Variants in CACNG2 observed in about 807,000 individuals in gnomAD.
The protein encoded by CACNG2 is calcium voltage-gated channel auxiliary subunit gamma 2, also known as voltage-dependent calcium channel gamma-2 subunit.
A neutral mutation model predicts 25.9 loss-of-function variants in CACNG2; 3 were observed. The observed-to-expected ratio is 0.12, with a 90% CI of 0.05 to 0.30. The LOEUF is 0.30. Among genes scored for constraint, CACNG2 ranks in the 10% least tolerant of loss-of-function variants. CACNG2 has a pLI of 1.00. For missense variants in CACNG2, 341 were observed against 432.5 expected (o/e 0.79, Z 1.88); for synonymous variants, 167 against 173.3 (o/e 0.96, Z 0.29).
chr22:36,642,391 C>CA (rs1220105879), intron 1 of CACNG2, among the ~76,000 whole-genome samples: 1 of 152,186 alleles, frequency 6.6e-6, no homozygotes, highest in African/African-American at 2.4e-5. Context: ...TAATCTGTCA[C>CA]AAATACCTAG....
At chr22:36,657,304 C>G (rs1052093283) in intron 1 of CACNG2, among the ~76,000 whole-genome samples, 1 of 152,214 alleles carries the variant, frequency 6.6e-6, no homozygotes, top group Non-Finnish European at 1.5e-5. Context: ...AGGAGTGAGA[C>G]AAGTCTTCAG....
chr22:36,599,654 C>T (rs951366226), intron 1 of CACNG2, among the ~76,000 whole-genome samples: 5 of 152,130 alleles, frequency 3.3e-5, no homozygotes, highest in African/African-American at 1.2e-4. Flanking sequence ...GAGCCATGAT[C>T]ATGCTACTGC....
intron 1 of CACNG2, among the ~76,000 whole-genome samples, chr22:36,615,885 A>T (rs1936014887): frequency 6.6e-6 from 1 of 152,270 alleles, no homozygotes; most frequent in South Asian, 2.1e-4. Context: ...AAGAACTCAC[A>T]GATGTACTGC....
At position 36,606,200 on chromosome 22, in the gene CACNG2, C is replaced by G. The variant is rs1404204564; in HGVS notation, c.212-18652G>C. Among the ~76,000 whole-genome samples the G allele has an allele frequency of 2.6e-5, 4 of 152,204 alleles. No homozygotes were observed. Among genetic ancestry groups the G allele is most frequent in the Non-Finnish European group, 5.9e-5 (4 of 68,040 alleles). ...CAATACAGACGGATTCCCCGTCCCCCAGAGCTGAGTCTTGAGAGGACCCTA... is the reference window on the plus strand; with the variant it reads ...CAATACAGACGGATTCCCCGTCCCCGAGAGCTGAGTCTTGAGAGGACCCTA... On this transcript the variant is annotated intron_variant, in intron 1 of 3. Transcript: ENST00000300105. This position sits in a 1 kb window ranked among gnomAD's most constrained non-coding sequence, Gnocchi z 5.7.
chr22:36,635,419 T>C (rs1936341704), intron 1 of CACNG2, among the ~76,000 whole-genome samples: 2 of 151,972 alleles, frequency 1.3e-5, no homozygotes, highest in African/African-American at 4.8e-5. Flanking sequence ...ACTTAGAGAG[T>C]TAACCTAGAA....
At chr22:36,566,519 A>G (rs769342636) in intron 2 of CACNG2, 26 bp from the exon 3 acceptor site, 3 of 1,613,376 alleles carry the variant, frequency 1.9e-6, no homozygotes. Flanking sequence ...GGTCAGGGAG[A>G]AAGAGAACGG....
At chr22:36,652,897 T>C (rs985578392) in intron 1 of CACNG2, among the ~76,000 whole-genome samples, 6 of 152,156 alleles carry the variant, frequency 3.9e-5, no homozygotes, top group African/African-American at 1.4e-4. Flanking sequence ...TTAATGGCAT[T>C]AGGACTGTAG....
At chr22:36,652,308 C>A (rs1380851455) in intron 1 of CACNG2, among the ~76,000 whole-genome samples, 1 of 152,158 alleles carries the variant, frequency 6.6e-6, no homozygotes, top group African/African-American at 2.4e-5. Flanking sequence ...CCATTCCCCA[C>A]TGCTTTCTTC....
At chr22:36,600,649 C>T (rs1339845576) in intron 1 of CACNG2, among the ~76,000 whole-genome samples, 3 of 151,358 alleles carry the variant, frequency 2.0e-5, no homozygotes, top group Admixed American at 6.6e-5. Context: ...CGAGTTCAAG[C>T]GATTCTTGTG....
chr22:36,601,155 C>T (rs915592221), intron 1 of CACNG2, among the ~76,000 whole-genome samples: 2 of 152,198 alleles, frequency 1.3e-5, no homozygotes, highest in East Asian at 1.9e-4. Flanking sequence ...TTCCCTCTCA[C>T]CCCAGATCTT....
chr22:36,576,592 A>ATG (rs760972096), intron 2 of CACNG2, among the ~76,000 whole-genome samples: 31 of 149,112 alleles, frequency 2.1e-4, no homozygotes, highest in South Asian at 1.3e-3. Flanking sequence ...GTGTGTGTGT[A>ATG]TGTGTGTGTG....
At chr22:36,653,912 C>T (rs1029573675) in intron 1 of CACNG2, among the ~76,000 whole-genome samples, 11 of 117,218 alleles carry the variant, frequency 9.4e-5, no homozygotes, top group African/African-American at 1.1e-4. Flanking sequence ...ACATGACAGA[C>T]GTTAGATTTT....
At chr22:36,569,754 G>C (rs1303035446) in intron 2 of CACNG2, among the ~76,000 whole-genome samples, 1 of 152,126 alleles carries the variant, frequency 6.6e-6, no homozygotes, top group Non-Finnish European at 1.5e-5. Context: ...TGGCCAGGCT[G>C]GTCTCAAACT....
At chr22:36,618,764 C>CA (rs1373544458) in intron 1 of CACNG2, among the ~76,000 whole-genome samples, 23 of 151,998 alleles carry the variant, frequency 1.5e-4, no homozygotes, top group Admixed American at 1.2e-3. Flanking sequence ...ACTAAAAATA[C>CA]AAAAAATTAG....
chr22:36,695,033 T>C (rs1002260812), intron 1 of CACNG2, among the ~76,000 whole-genome samples: 2 of 151,918 alleles, frequency 1.3e-5, no homozygotes, highest in East Asian at 1.9e-4. Context: ...CTGGCAAACA[T>C]AGTGACACCT....
At position 36,613,151 on chromosome 22, in the gene CACNG2, G is replaced by GCTCTCT. The variant is rs372007467; in HGVS notation, c.212-25609_212-25604dup. 4.8e-5 allele frequency among the ~76,000 whole-genome samples: 7 copies of GCTCTCT among 146,482 alleles called. No individual in the cohort carries two copies. The South Asian group carries it at 1.1e-3, about 24-fold the overall frequency. On this transcript the variant is annotated intron_variant, in intron 1 of 3. Coordinates refer to ENST00000300105, the MANE Select transcript of CACNG2 (RefSeq NM_006078.5). ...TTTCCAAAAGTTCATTTCATTACAGGCTCTCTGTGTGTGTGTGTGTGTGTG... is the reference window on the plus strand; with the variant it reads ...TTTCCAAAAGTTCATTTCATTACAGGCTCTCTCTCTCTGTGTGTGTGTGTGTGTGTG...
chr22:36,576,560 GCC>G, intron 2 of CACNG2, among the ~76,000 whole-genome samples: 1 of 132,814 alleles, frequency 7.5e-6, no homozygotes, highest in African/African-American at 2.8e-5. Flanking sequence ...ACTCCAAAAT[GCC>G]TCTGTGTGTG....
intron 1 of CACNG2, among the ~76,000 whole-genome samples, chr22:36,697,978 C>T (rs1937362021): frequency 6.6e-6 from 1 of 152,104 alleles, no homozygotes; most frequent in African/African-American, 2.4e-5. Context: ...GAATAATTTG[C>T]CTTCACTGTA....
chr22:36,598,947 C>T (rs1022446682), intron 1 of CACNG2, among the ~76,000 whole-genome samples: 3 of 152,186 alleles, frequency 2.0e-5, no homozygotes, highest in Non-Finnish European at 2.9e-5. Context: ...CACTGCACTC[C>T]AGCCTGGGTG....
Sources: allele counts gnomAD v4.1 joint callset (sites outside exome capture counted in the v4.1 genomes callset), GRCh38; gene constraint gnomAD v4.1.1; non-coding constraint Gnocchi (gnomAD v3.1); transcripts MANE v1.5; gene names NCBI Gene and HGNC (gene_info 2026-07-23, HGNC 2026-07-21).